The following ATG5 variants were observed in gnomAD, a reference collection of about 807,000 sequenced individuals.
The protein encoded by ATG5 is autophagy related 5, also known as autophagy protein 5.
In ATG5, 14 loss-of-function variants were observed where a neutral mutation model predicts 36.5. That is an observed-to-expected ratio of 0.38 (90% CI 0.25 to 0.60). The LOEUF is 0.60. Among genes scored for constraint, ATG5 ranks in the 20% least tolerant of loss-of-function variants. ATG5 has a pLI of 0.60. For missense variants in ATG5, 195 were observed against 326.7 expected (o/e 0.60, Z 3.11); for synonymous variants, 95 against 101.5 (o/e 0.94, Z 0.38).
At chr6:106,298,903 C>G (rs1770091706) in intron 3 of ATG5, among the ~76,000 whole-genome samples, 2 of 152,292 alleles carry the variant, frequency 1.3e-5, no homozygotes, top group African/African-American at 4.8e-5. Context: ...ACACTTTAAT[C>G]TGATTTACAT....
chr6:106,306,541 A>G (rs1314374115), intron 3 of ATG5, among the ~76,000 whole-genome samples: 1 of 152,238 alleles, frequency 6.6e-6, no homozygotes, highest in East Asian at 1.9e-4. Context: ...TGTACAGGGT[A>G]GCCCACCACA....
intron 5 of ATG5, among the ~76,000 whole-genome samples, chr6:106,260,474 G>A (rs939452066): frequency 2.6e-5 from 4 of 152,180 alleles, no homozygotes; most frequent in Admixed American, 6.5e-5. Context: ...GATACTGTGC[G>A]AAGAAATGCT....
At chr6:106,291,838 T>A (rs765789943) in intron 4 of ATG5, among the ~76,000 whole-genome samples, 4 of 152,268 alleles carry the variant, frequency 2.6e-5, no homozygotes, top group Non-Finnish European at 5.9e-5. Flanking sequence ...CACTATGTGC[T>A]CTATCTGTAC....
chr6:106,235,714 T>A (rs957053468), intron 6 of ATG5, among the ~76,000 whole-genome samples: 1 of 152,100 alleles, frequency 6.6e-6, no homozygotes, highest in African/African-American at 2.4e-5. Context: ...GATCGGGATA[T>A]AAACCCAGGC....
intron 5 of ATG5, among the ~76,000 whole-genome samples, chr6:106,277,797 G>C (rs1413568087): frequency 6.6e-6 from 1 of 152,338 alleles, no homozygotes; most frequent in Non-Finnish European, 1.5e-5. Flanking sequence ...CTGGGTGACA[G>C]AGTGAAACTT....
At chr6:106,297,374 CTAAT>C (rs1056738595) in intron 3 of ATG5, among the ~76,000 whole-genome samples, 5 of 152,188 alleles carry the variant, frequency 3.3e-5, no homozygotes, top group African/African-American at 1.2e-4. Flanking sequence ...GCTGCTCAGT[CTAAT>C]TGGTGTTGAT....
At chr6:106,231,448 C>T (rs1777687033) in intron 6 of ATG5, among the ~76,000 whole-genome samples, 2 of 152,076 alleles carry the variant, frequency 1.3e-5, no homozygotes, top group East Asian at 3.9e-4. Flanking sequence ...CAGTGTAGAC[C>T]CTCACTGGGA....
At chr6:106,257,356 T>G (rs1400734023) in intron 5 of ATG5, among the ~76,000 whole-genome samples, 2 of 152,238 alleles carry the variant, frequency 1.3e-5, no homozygotes, top group Non-Finnish European at 2.9e-5. Flanking sequence ...CATAATTATA[T>G]GTGCTAGACA....
intron 6 of ATG5, among the ~76,000 whole-genome samples, chr6:106,222,474 G>A (rs1271053248): frequency 6.6e-6 from 1 of 152,076 alleles, no homozygotes; most frequent in African/African-American, 2.4e-5. Context: ...TTCATATTAA[G>A]GGGAGAACAT....
chr6:106,300,958 A>G (rs909161866), intron 3 of ATG5, among the ~76,000 whole-genome samples: 1 of 152,100 alleles, frequency 6.6e-6, no homozygotes, highest in Non-Finnish European at 1.5e-5. Context: ...AGCTTGTTCT[A>G]AATTTCGTGC....
intron 6 of ATG5, among the ~76,000 whole-genome samples, chr6:106,216,102 T>C (rs1439453626): frequency 2.0e-5 from 3 of 152,152 alleles, no homozygotes; most frequent in African/African-American, 7.2e-5. Flanking sequence ...AAATAAGCGT[T>C]GGCAAGGATG....
chr6:106,290,424 G>T (rs904993060), intron 4 of ATG5, among the ~76,000 whole-genome samples: 3 of 151,698 alleles, frequency 2.0e-5, no homozygotes, highest in African/African-American at 7.3e-5. Flanking sequence ...GGGCTAAAGC[G>T]ATCCTCCTGC....
intron 6 of ATG5, among the ~76,000 whole-genome samples, chr6:106,234,759 T>C (rs1777827134): frequency 6.6e-6 from 1 of 152,188 alleles, no homozygotes; most frequent in Admixed American, 6.5e-5. Context: ...GAGTGCTAGG[T>C]GGACTAGGTT....
chr6:106,310,076 AAAG>A (rs1441349256), intron 2 of ATG5, among the ~76,000 whole-genome samples: 3 of 152,176 alleles, frequency 2.0e-5, no homozygotes, highest in African/African-American at 7.2e-5. Context: ...AATAAGGAAA[AAAG>A]AACATTAGAC....
intron 6 of ATG5, among the ~76,000 whole-genome samples, chr6:106,217,089 T>TA (rs962603758): frequency 2.2e-4 from 33 of 152,116 alleles, no homozygotes; most frequent in African/African-American, 6.5e-4. Flanking sequence ...GTGGGTTTTT[T>TA]AAAAAAATTA....
intron 5 of ATG5, among the ~76,000 whole-genome samples, chr6:106,254,478 A>G (rs1251146775): frequency 6.6e-6 from 1 of 152,202 alleles, no homozygotes; most frequent in Non-Finnish European, 1.5e-5. Flanking sequence ...ATGTTTGTTA[A>G]TCACTAATAG....
chr6:106,267,814 C>T (rs1482310345), intron 5 of ATG5, among the ~76,000 whole-genome samples: 3 of 152,162 alleles, frequency 2.0e-5, no homozygotes, highest in Non-Finnish European at 4.4e-5. Context: ...GGACCTATTC[C>T]TTACACCTTA....
chr6:106,211,628 T>C (rs373506916), intron 6 of ATG5, among the ~76,000 whole-genome samples: 1 of 152,138 alleles, frequency 6.6e-6, no homozygotes, highest in Non-Finnish European at 1.5e-5. Flanking sequence ...GAGAATCACT[T>C]GAACCTGGGA....
chr6:106,320,606 CAA>C (rs961209304), intron 1 of ATG5, among the ~76,000 whole-genome samples: 6 of 145,304 alleles, frequency 4.1e-5, no homozygotes, highest in Non-Finnish European at 7.4e-5. Flanking sequence ...TAATATTACC[CAA>C]GTCAAAAGGC....
Sources: allele counts gnomAD v4.1 joint callset (sites outside exome capture counted in the v4.1 genomes callset), GRCh38; gene constraint gnomAD v4.1.1; transcripts MANE v1.5; gene names NCBI Gene and HGNC (gene_info 2026-07-23, HGNC 2026-07-21).